Variants in ZNF765 observed in about 807,000 individuals in gnomAD.
ZNF765 encodes the protein zinc finger protein 765.
Under a neutral mutation model 44.7 loss-of-function variants are expected in ZNF765, and 37 were observed. The ratio of observed to expected loss-of-function variants is 0.83; its 90% CI spans 0.64 to 1.09. The LOEUF is 1.09. Among genes scored for constraint, ZNF765 ranks in the 50% least tolerant of loss-of-function variants. The pLI, the probability that ZNF765 is intolerant of heterozygous loss-of-function variation, is 0.00. For missense variants in ZNF765, 594 were observed against 626.1 expected (o/e 0.95, Z 0.55); for synonymous variants, 201 against 213.7 (o/e 0.94, Z 0.52).
rs757846819 is a variant in ZNF765, at chr19:53,407,901, A to G, written c.346A>G (p.Ile116Val). ...TGGCCATGAAGCACTCATGACAAAA[A>G]TCAAAAAGTTGACAGGTAGTACAGA... is the stretch of plus-strand genomic sequence containing the variant. ...RNGHEALMTK[I>V]KKLTGSTERY... is the part of the protein sequence containing the mutation. Residue 116 changes from isoleucine to valine, a missense_variant, in exon 4 of 4, where the codon ATC becomes GTC. By Grantham distance (29) the Ile-to-Val change is conservative (BLOSUM62 3). This residue lies in a region of ZNF765 where 567 missense variants were observed against 572.6 expected (regional missense o/e 0.99). Coordinates refer to ENST00000396408, the MANE Select transcript of ZNF765 (RefSeq NM_001040185.3). 4 of 1,613,736 alleles carry G rather than the reference A, an allele frequency of 2.5e-6. No individual in the cohort carries two copies. In the Admixed American group the frequency reaches 5.0e-5, roughly 20 times the overall value.
chr19:53,407,615 G>GT (rs1484286035), intron 3 of ZNF765, 83 bp from the exon 4 acceptor site: 7 of 1,074,622 alleles, frequency 6.5e-6, no homozygotes, highest in African/African-American at 4.8e-5. Flanking sequence ...AATAAGTATT[G>GT]TTTTTTGTGT....
rs745979129 is a variant in ZNF765 at position 53,408,130 on chromosome 19, A to G, written c.575A>G (p.Tyr192Cys). The change falls in exon 4 of 4, where the codon TAT becomes TGT. Residue 192 changes from tyrosine to cysteine, a missense_variant. By Grantham distance (194) the Tyr-to-Cys change is radical (BLOSUM62 -2). This residue lies in a region of ZNF765 where 567 missense variants were observed against 572.6 expected (regional missense o/e 0.99). Transcript: ENST00000396408. ...CCTGAAACCCATATTTCTAATGACTATGGGAATAATTTCCTGAATTCTTCA... is the reference window on the plus strand; with the variant it reads ...CCTGAAACCCATATTTCTAATGACTGTGGGAATAATTTCCTGAATTCTTCA... ...CRPETHISND[Y>C]GNNFLNSSLF... 1.4e-5 allele frequency: 22 copies of G among 1,613,978 alleles called. No homozygotes were observed. The Admixed American group carries it at 2.5e-4, about 18-fold the overall frequency.
In ZNF765 at chr19:53,410,566, A is replaced by G. The variant is rs1348328356; in HGVS notation, c.*1439A>G. The stretch of plus-strand genomic sequence containing the variant: ...GTCAACACTTGTTTACCATCAGGCA[A>G]TCCATGGTGTAGGGAAACTTTACTT... On this transcript the variant is annotated 3_prime_UTR_variant, in exon 4 of 4. Transcript: ENST00000396408. 7.0e-6 allele frequency: 3 copies of G among 430,924 alleles called. No individual in the cohort carries two copies. The highest frequency in any genetic ancestry group is 4.7e-6 in the Non-Finnish European group (1 of 214,476). 26.7% of individuals were successfully genotyped at this position (430,924 alleles called of 1,614,324 possible). A position where few individuals can be genotyped will look rare whatever the true frequency, so the allele number is the denominator to read the frequency against.
At chr19:53,405,903 CTATATATATATATATATATATA>C (rs10675178) in intron 3 of ZNF765, among the ~76,000 whole-genome samples, 938 of 49,192 alleles carry the variant, frequency 0.019, 62 homozygotes, top group Middle Eastern at 0.029. Flanking sequence ...TTAATACCAA[CTATATATATATATATATATATA>C]TATATATATA....
intron 3 of ZNF765, among the ~76,000 whole-genome samples, chr19:53,420,406 C>T (rs190469890): frequency 6.6e-6 from 1 of 152,226 alleles, no homozygotes; most frequent in East Asian, 1.9e-4. Flanking sequence ...CACAAGATTC[C>T]ATGCCTTACA....
Position 53,400,766 on chromosome 19 carries a change from A to ACATATATATATG in ZNF765, c.16-1299_16-1298insCATATATATATG, listed in dbSNP as rs10664388. Among the ~76,000 whole-genome samples, 6 of 77,996 alleles carry ACATATATATATG rather than the reference A, an allele frequency of 7.7e-5. No homozygotes were observed. The East Asian group carries it at 2.1e-3, about 27-fold the overall frequency. The allele number at this position is 77,996 out of a possible 152,430, so 51.2% of individuals were successfully genotyped here. A position where few individuals can be genotyped will look rare whatever the true frequency, so the allele number is the denominator to read the frequency against. On this transcript the variant is annotated intron_variant, in intron 2 of 3. Transcript: ENST00000396408. ...TGTAGGTTTCATTATTTGTTGACAT[A>ACATATATATATG]TATATATATATATATATACACACAT...
Position 53,409,648 on chromosome 19 carries a change from A to C in ZNF765, c.*521A>C, listed in dbSNP as rs1312687661. 7.5e-7 allele frequency: 1 copy of C among 1,324,854 alleles called. No individual in the cohort carries two copies. The highest frequency in any genetic ancestry group is 1.1e-6 in the Non-Finnish European group (1 of 920,756). 82.1% of individuals were successfully genotyped at this position (1,324,854 alleles called of 1,614,324 possible). On this transcript the variant is annotated 3_prime_UTR_variant, in exon 4 of 4. Coordinates refer to ENST00000396408, the MANE Select transcript of ZNF765 (RefSeq NM_001040185.3). ...AATGAGTGTGGCAAGACCTTTAGTC[A>C]GAACTCATACCTTACACGCCATCGT... is the stretch of plus-strand genomic sequence containing the variant.
chr19:53,413,928 G>GAGAA (rs1555833383), downstream of ZNF765, among the ~76,000 whole-genome samples: 1 of 9,250 alleles, frequency 1.1e-4, no homozygotes, highest in African/African-American at 2.5e-4. Context: ...TAGCTAGAAA[G>GAGAA]ACAAAAAAAA....
rs1600059590 is a variant in ZNF765 at position 53,409,171 on chromosome 19, C to T, written c.*44C>T. 1.3e-6 allele frequency: 2 copies of T among 1,489,186 alleles called. No individual in the cohort carries two copies. Among genetic ancestry groups the T allele is most frequent in the Non-Finnish European group, 1.9e-6 (2 of 1,068,636 alleles). The allele number at this position is 1,489,186 out of a possible 1,614,324, so 92.2% of individuals were successfully genotyped here. ...CAATCAGGAGTTAACCCTTACATGC[C>T]ATCGTAGGCTTCATAGTGGAGAGAA... On this transcript the variant is annotated 3_prime_UTR_variant, in exon 4 of 4. Transcript: ENST00000396408.
At chr19:53,403,837 G>A (rs867496038) in intron 3 of ZNF765, among the ~76,000 whole-genome samples, 18 of 17,114 alleles carry the variant, frequency 1.1e-3, no homozygotes, top group Non-Finnish European at 1.3e-3. Flanking sequence ...ACGAGACTCT[G>A]TCTCAAAAAA....
chr19:53,407,634 C>T (rs1245296459), intron 3 of ZNF765, 64 bp from the exon 4 acceptor site: 2 of 1,241,056 alleles, frequency 1.6e-6, no homozygotes, highest in African/African-American at 1.5e-5. Flanking sequence ...GTCATATTTA[C>T]ACATTTCAGC....
rs767776282 is a variant in ZNF765, at chr19:53,407,944, A to G, written c.389A>G (p.Tyr130Cys). ...AGTACAGAGCGATATGATCAAAATT[A>G]TGCTGGAAACAAGCCTGTTAAATAT... ...TGSTERYDQN[Y>C]AGNKPVKYQL... The change falls in exon 4 of 4, where the codon TAT (tyrosine) becomes TGT (cysteine). Residue 130 changes from tyrosine (Y) to cysteine (C), a missense_variant. Physicochemically the swap from Tyr to Cys is radical, Grantham distance 194. Coordinates refer to ENST00000396408, the MANE Select transcript of ZNF765 (RefSeq NM_001040185.3). The G allele has an allele frequency of 3.1e-6, 5 of 1,614,214 alleles. No individual in the cohort carries two copies. The highest frequency in any genetic ancestry group is 3.4e-6 in the Non-Finnish European group (4 of 1,180,034).
At position 53,410,367 on chromosome 19, in the gene ZNF765, G is replaced by T; in HGVS notation, c.*1240G>T. On this transcript the variant is annotated 3_prime_UTR_variant, in exon 4 of 4. Transcript: ENST00000396408. ...TGTGAAGAATGTCACCAAGTTTTCAGTCACACTCAAACCTTGAAAGACACA... is the reference window on the plus strand; with the variant it reads ...TGTGAAGAATGTCACCAAGTTTTCATTCACACTCAAACCTTGAAAGACACA... 1 of 337,414 alleles carries T rather than the reference G, an allele frequency of 3.0e-6. No individual in the cohort carries two copies. Among genetic ancestry groups the T allele is most frequent in the Non-Finnish European group, 6.0e-6 (1 of 166,632 alleles). 20.9% of individuals were successfully genotyped at this position (337,414 alleles called of 1,614,324 possible). A position where few individuals can be genotyped will look rare whatever the true frequency, so the allele number is the denominator to read the frequency against.
At chr19:53,407,261 C>A (rs1160419073) in intron 3 of ZNF765, among the ~76,000 whole-genome samples, 3 of 152,096 alleles carry the variant, frequency 2.0e-5, no homozygotes, top group African/African-American at 7.2e-5. Flanking sequence ...TTTTGGTTAT[C>A]CTTACATAAT....
Position 53,408,057 on chromosome 19 carries a change from A to G in ZNF765, c.502A>G (p.Ile168Val), listed in dbSNP as rs1166220082. 1.9e-6 allele frequency: 3 copies of G among 1,614,208 alleles called. No individual in the cohort carries two copies. The highest frequency in any genetic ancestry group is 1.1e-5 in the South Asian group (1 of 91,084). Residue 168 changes from isoleucine (I) to valine (V), a missense_variant, in exon 4 of 4, where the codon ATC becomes GTC. Physicochemically the swap from Ile to Val is conservative, Grantham distance 29 (BLOSUM62 3). Coordinates refer to ENST00000396408, the MANE Select transcript of ZNF765 (RefSeq NM_001040185.3). Reference protein sequence around the residue: ...EKIDNQVVKSIHDASLVSTAQ... With the variant: ...EKIDNQVVKSVHDASLVSTAQ... ...AATTGATAATCAAGTTGTGAAGTCT[A>G]TCCACGATGCTTCCTTGGTTTCAAC... is the stretch of plus-strand genomic sequence containing the variant.
Position 53,407,842 on chromosome 19 carries a change from A to G in ZNF765, c.287A>G (p.Asp96Gly), listed in dbSNP as rs759517702. ...CFQDIDKDIHDIEFQWQEDER... is the reference protein window; with the variant it reads ...CFQDIDKDIHGIEFQWQEDER... ...CAGGATATTGATAAAGATATTCATG[A>G]CATTGAGTTTCAGTGGCAAGAAGAT... The change falls in exon 4 of 4, where the codon GAC becomes GGC. Residue 96 changes from aspartate to glycine, a missense_variant. Transcript: ENST00000396408. 5.6e-6 allele frequency: 9 copies of G among 1,613,384 alleles called. No homozygotes were observed. In the Admixed American group the frequency reaches 1.5e-4, roughly 27 times the overall value.
chr19:53,402,091 C>A lies in ZNF765; in HGVS notation c.42C>A (p.Ala14=). The A allele has an allele frequency of 6.2e-7, 1 of 1,613,900 alleles. No homozygotes were observed. Among genetic ancestry groups the A allele is most frequent in the Non-Finnish European group, 8.5e-7 (1 of 1,179,926 alleles). The change falls in exon 3 of 4, where the codon GCC becomes GCA. Residue 14 remains alanine, a synonymous_variant. Transcript: ENST00000396408. The stretch of plus-strand genomic sequence containing the variant: ...GTCTATTGACATTCAGGGATGTGGC[C>A]ATAGAATTCTCTCAGGAGGAGTGGA... The part of the protein sequence containing the change: ...PQGLLTFRDV[A]IEFSQEEWKC...
At chr19:53,395,350 C>T (rs2085656428) in intron 1 of ZNF765, among the ~76,000 whole-genome samples, 157 bp downstream of exon 1, 1 of 152,072 alleles carries the variant, frequency 6.6e-6, no homozygotes, top group Non-Finnish European at 1.5e-5. Flanking sequence ...GGGGTCGCTT[C>T]CTTTTGGGTT....
At chr19:53,419,960 G>A (rs2085897702) in intron 3 of ZNF765, among the ~76,000 whole-genome samples, 1 of 151,906 alleles carries the variant, frequency 6.6e-6, no homozygotes, top group African/African-American at 2.4e-5. Context: ...GGCGAAGGTT[G>A]TGGTGAGCCG....
Sources: gnomAD v4.1 joint callset for allele counts (sites outside exome capture counted in the v4.1 genomes callset) on GRCh38, gnomAD v4.1.1 for gene constraint, gnomAD v4.1.1 regional missense constraint, MANE v1.5 for transcripts, NCBI Gene and HGNC (gene_info 2026-07-23, HGNC 2026-07-21) for gene names.